Variants in GUCY1A2 observed in about 807,000 individuals in gnomAD.
GUCY1A2 encodes the protein guanylate cyclase soluble subunit alpha-2.
GUCY1A2 carries 27 observed loss-of-function variants against 63.5 expected under a neutral mutation model. The ratio of observed to expected loss-of-function variants is 0.43; its 90% CI spans 0.31 to 0.59. The LOEUF is 0.59. Among genes scored for constraint, GUCY1A2 ranks in the 20% least tolerant of loss-of-function variants. The pLI, the probability that GUCY1A2 is intolerant of heterozygous loss-of-function variation, is 0.11. For synonymous variants in GUCY1A2, 364 were observed against 343.5 expected, an observed-to-expected ratio of 1.06 and a Z score of -0.66; for missense variants, 768 against 913.3, an observed-to-expected ratio of 0.84 and a Z score of 2.05.
chr11:106,710,128 T>TTA (rs368324536), intron 6 of GUCY1A2, among the ~76,000 whole-genome samples: 11 of 28,950 alleles, frequency 3.8e-4, no homozygotes, highest in South Asian at 2.9e-3. Context: ...TATAATATAG[T>TTA]TATATATATA....
chr11:106,843,294 G>A (rs1440766359), intron 4 of GUCY1A2, among the ~76,000 whole-genome samples: 2 of 151,850 alleles, frequency 1.3e-5, no homozygotes, highest in East Asian at 1.9e-4. Context: ...AAAGGATGGG[G>A]GTTGGTGAGA....
Position 106,934,729 on chromosome 11 carries a change from A to G in GUCY1A2, c.1206+4731T>C, listed in dbSNP as rs1181974968. ...GCTTTTCCTCAGTTCCAACCCTGAG[A>G]ACAAAAGTGAAGATGAATAACAATG... is the stretch of plus-strand genomic sequence containing the variant. On this transcript the variant is annotated intron_variant, in intron 4 of 7. Transcript: ENST00000526355. 2.0e-5 allele frequency among the ~76,000 whole-genome samples: 3 copies of G among 152,196 alleles called. No individual in the cohort carries two copies. In the South Asian group the frequency reaches 6.2e-4, roughly 31 times the overall value.
At chr11:106,742,969 T>G (rs1437452148) in intron 6 of GUCY1A2, among the ~76,000 whole-genome samples, 3 of 152,180 alleles carry the variant, frequency 2.0e-5, no homozygotes, top group Non-Finnish European at 4.4e-5. Flanking sequence ...AGTATAAATA[T>G]ATTCTTTTGA....
At chr11:106,793,261 T>C (rs1485066834) in intron 5 of GUCY1A2, among the ~76,000 whole-genome samples, 1 of 152,022 alleles carries the variant, frequency 6.6e-6, no homozygotes, top group Admixed American at 6.5e-5. Flanking sequence ...GGAGGAAGAA[T>C]CTTCTCTTCA....
intron 1 of GUCY1A2, among the ~76,000 whole-genome samples, chr11:106,990,047 C>T (rs1049342786): frequency 1.3e-5 from 2 of 152,204 alleles, no homozygotes; most frequent in Non-Finnish European, 2.9e-5. Flanking sequence ...AGAAAATCTA[C>T]TGTTCCTACT....
chr11:106,917,549 C>T (rs1039511556), intron 4 of GUCY1A2, among the ~76,000 whole-genome samples: 12 of 144,272 alleles, frequency 8.3e-5, no homozygotes, highest in South Asian at 2.5e-4. Context: ...AACCCAAATG[C>T]CCAACAATGA....
intron 3 of GUCY1A2, among the ~76,000 whole-genome samples, chr11:106,946,413 G>A (rs17574208): frequency 0.15 from 23,287 of 151,884 alleles, 2,070 homozygotes; most frequent in South Asian, 0.26. Context: ...TATAGCTCAC[G>A]GATTAAAGTA....
chr11:106,683,286 A>G lies in GUCY1A2; in HGVS notation c.*4263T>C, dbSNP rs1017951302. 9.1e-6 allele frequency: 2 copies of G among 220,364 alleles called. No homozygotes were observed. The highest frequency in any genetic ancestry group is 1.8e-5 in the Non-Finnish European group (2 of 110,006). The allele number at this position is 220,364 out of a possible 1,614,324, so 13.7% of individuals were successfully genotyped here. ...AGTAGAAAAAACTAAGCTACGATAT[A>G]GGGCTTGGTTCTTGAACTTGAGTTT... On this transcript the variant is annotated 3_prime_UTR_variant, in exon 8 of 8. Transcript: ENST00000526355.
At chr11:106,716,758 G>C (rs1863221712) in intron 6 of GUCY1A2, among the ~76,000 whole-genome samples, 1 of 102,160 alleles carries the variant, frequency 9.8e-6, no homozygotes, top group South Asian at 3.7e-4. Context: ...GACAGAGCCA[G>C]ACTCCGTCTC....
At chr11:106,784,153 C>T (rs1213991430) in intron 5 of GUCY1A2, among the ~76,000 whole-genome samples, 5 of 152,148 alleles carry the variant, frequency 3.3e-5, no homozygotes, top group Non-Finnish European at 7.4e-5. Context: ...ACCTTCTTTT[C>T]ACCCACCACC....
At chr11:106,896,647 GCT>G (rs1860053495) in intron 4 of GUCY1A2, among the ~76,000 whole-genome samples, 1 of 152,116 alleles carries the variant, frequency 6.6e-6, no homozygotes, top group South Asian at 2.1e-4. Flanking sequence ...TGAAAAAAGT[GCT>G]CTCTTGCTAT....
At chr11:106,804,170 G>A (rs1565295300) in intron 5 of GUCY1A2, among the ~76,000 whole-genome samples, 1 of 152,160 alleles carries the variant, frequency 6.6e-6, no homozygotes, top group African/African-American at 2.4e-5. Context: ...TGAATGAGTT[G>A]AATAAATTTT....
intron 4 of GUCY1A2, among the ~76,000 whole-genome samples, chr11:106,883,112 T>A (rs1209684020): frequency 6.6e-6 from 1 of 152,056 alleles, no homozygotes; most frequent in Non-Finnish European, 1.5e-5. Flanking sequence ...GAATTATTAT[T>A]GAAGGGAATT....
At chr11:106,910,952 T>C (rs1035402624) in intron 4 of GUCY1A2, among the ~76,000 whole-genome samples, 2 of 152,056 alleles carry the variant, frequency 1.3e-5, no homozygotes, top group African/African-American at 4.8e-5. Flanking sequence ...GTTATCTGAT[T>C]GTGCCCTTAG....
intron 6 of GUCY1A2, among the ~76,000 whole-genome samples, chr11:106,725,887 T>C (rs968303144): frequency 2.0e-5 from 3 of 151,954 alleles, no homozygotes; most frequent in African/African-American, 7.3e-5. Flanking sequence ...TTCCCTCCTT[T>C]TATATACCCA....
At chr11:107,006,949 C>T (rs568020639) in intron 1 of GUCY1A2, among the ~76,000 whole-genome samples, 40 of 152,216 alleles carry the variant, frequency 2.6e-4, no homozygotes, top group African/African-American at 8.4e-4. Context: ...TTCACCAGAA[C>T]GAATTTCTAC....
At chr11:106,909,202 A>T (rs377108442) in intron 4 of GUCY1A2, among the ~76,000 whole-genome samples, 1 of 151,990 alleles carries the variant, frequency 6.6e-6, no homozygotes, top group African/African-American at 2.4e-5. Flanking sequence ...TTATAAATTC[A>T]CATGCAGTTA....
rs182231347 is a variant in GUCY1A2 at position 106,929,712 on chromosome 11, A to G, written c.1206+9748T>C. Among the ~76,000 whole-genome samples the G allele has an allele frequency of 9.2e-5, 14 of 152,176 alleles. No homozygotes were observed. In the East Asian group the frequency reaches 2.7e-3, roughly 29 times the overall value. Reference sequence around the variant, plus strand: ...ACTCTCAAGTATTATATAGACCTTTATTTCACTAGGCAACTCCCTCCATTT... The same window carrying G: ...ACTCTCAAGTATTATATAGACCTTTGTTTCACTAGGCAACTCCCTCCATTT... On this transcript the variant is annotated intron_variant, in intron 4 of 7. Transcript: ENST00000526355.
chr11:106,950,318 G>A (rs1860888695), intron 3 of GUCY1A2, among the ~76,000 whole-genome samples: 1 of 152,206 alleles, frequency 6.6e-6, no homozygotes, highest in Admixed American at 6.5e-5. Flanking sequence ...TATTGCCAGA[G>A]AAGACACAAA....
Sources: gnomAD v4.1 joint callset for allele counts (sites outside exome capture counted in the v4.1 genomes callset) on GRCh38, gnomAD v4.1.1 for gene constraint, MANE v1.5 for transcripts, NCBI Gene and HGNC (gene_info 2026-07-23, HGNC 2026-07-21) for gene names.